Variants in MLLT10 observed in about 807,000 individuals in gnomAD.
The protein encoded by MLLT10 is protein AF-10.
MLLT10 carries 30 observed loss-of-function variants against 129.1 expected under a neutral mutation model. The observed-to-expected ratio is 0.23, with a 90% CI of 0.17 to 0.32. The LOEUF is 0.32. Ranked by LOEUF, MLLT10 falls within the 10% of genes least tolerant of loss-of-function variation. The pLI, the probability that MLLT10 is intolerant of heterozygous loss-of-function variation, is 1.00. For synonymous variants in MLLT10, 490 were observed against 446.4 expected (o/e 1.10, Z -1.23); for missense variants, 1,119 against 1,268.3 (o/e 0.88, Z 1.79).
At chr10:21,570,469 A>G (rs1377996019) in intron 3 of MLLT10, among the ~76,000 whole-genome samples, 2 of 152,118 alleles carry the variant, frequency 1.3e-5, no homozygotes, top group Non-Finnish European at 1.5e-5. Context: ...GTTGTTGGCC[A>G]TGATTTCTAA....
chr10:21,654,097 C>T (rs973580759), intron 9 of MLLT10, among the ~76,000 whole-genome samples: 1 of 152,118 alleles, frequency 6.6e-6, no homozygotes, highest in Non-Finnish European at 1.5e-5. Context: ...AGGACTAGCC[C>T]TTTTAGTCAT....
At chr10:21,723,883 C>G (rs1589828199) in intron 14 of MLLT10, among the ~76,000 whole-genome samples, 1 of 152,140 alleles carries the variant, frequency 6.6e-6, no homozygotes. Context: ...ACAGATGGGA[C>G]TGGTAATATC....
intron 13 of MLLT10, among the ~76,000 whole-genome samples, chr10:21,706,916 C>T (rs1397518480): frequency 6.6e-6 from 1 of 152,116 alleles, no homozygotes; most frequent in Non-Finnish European, 1.5e-5. Context: ...TTTCGTCAGG[C>T]TCTCTTTCTT....
chr10:21,713,712 G>T, intron 13 of MLLT10, 60 bp from the exon 14 acceptor site: 1 of 1,453,244 alleles, frequency 6.9e-7, no homozygotes, highest in East Asian at 2.3e-5. Context: ...TACTGATTAT[G>T]TGTGTCTGTG....
At chr10:21,687,059 C>T (rs751810921) in intron 13 of MLLT10, among the ~76,000 whole-genome samples, 7 of 152,102 alleles carry the variant, frequency 4.6e-5, no homozygotes, top group African/African-American at 9.7e-5. Flanking sequence ...TAATTGAGTT[C>T]CAAGTCCCAC....
chr10:21,573,649 C>T (rs1274464537), intron 3 of MLLT10, among the ~76,000 whole-genome samples: 3 of 151,394 alleles, frequency 2.0e-5, no homozygotes, highest in Non-Finnish European at 2.9e-5. Context: ...TCAGTGTAAC[C>T]TCCACCTCCT....
At chr10:21,547,480 C>G (rs1357084943) in intron 3 of MLLT10, among the ~76,000 whole-genome samples, 4 of 149,700 alleles carry the variant, frequency 2.7e-5, no homozygotes, top group African/African-American at 9.9e-5. Context: ...ATGTGATCCT[C>G]TCACCTTAGC....
At chr10:21,611,044 T>A (rs2044591582) in intron 5 of MLLT10, among the ~76,000 whole-genome samples, 1 of 144,622 alleles carries the variant, frequency 6.9e-6, no homozygotes, top group South Asian at 2.3e-4. Flanking sequence ...TTGCCCAGCC[T>A]GGAGTGCAAT....
chr10:21,608,010 T>C (rs2044231937), intron 5 of MLLT10, among the ~76,000 whole-genome samples: 1 of 143,944 alleles, frequency 6.9e-6, no homozygotes, highest in Non-Finnish European at 1.5e-5. Context: ...TACAGGTGTT[T>C]TTTTTTTTCT....
chr10:21,541,014 G>T (rs2035051961), intron 3 of MLLT10, among the ~76,000 whole-genome samples: 1 of 152,078 alleles, frequency 6.6e-6, no homozygotes, highest in Non-Finnish European at 1.5e-5. Flanking sequence ...ACAAAAATTA[G>T]CTGGGTGTGG....
intron 9 of MLLT10, among the ~76,000 whole-genome samples, chr10:21,667,614 T>C (rs1193410252): frequency 6.6e-6 from 1 of 152,114 alleles, no homozygotes; most frequent in Non-Finnish European, 1.5e-5. Flanking sequence ...GTTTGTGGTT[T>C]TTATGGGACA....
At position 21,718,180 on chromosome 10, in the gene MLLT10, T is replaced by G. The variant is rs192239467; in HGVS notation, c.1878+4230T>G. Among the ~76,000 whole-genome samples, 10 of 152,192 alleles carry G rather than the reference T, an allele frequency of 6.6e-5. No homozygotes were observed. The East Asian group carries it at 1.7e-3, about 26-fold the overall frequency. On this transcript the variant is annotated intron_variant, in intron 14 of 22. Coordinates refer to ENST00000307729, the MANE Select transcript of MLLT10 (RefSeq NM_001195626.3). ...ATTCTTAAGTGTTAAACCCTTTTTT[T>G]TTTCCCCCTTTCAACAGACTAGTTT... is the stretch of plus-strand genomic sequence containing the variant.
chr10:21,538,253 C>T (rs1176912808), intron 2 of MLLT10, among the ~76,000 whole-genome samples: 2 of 151,716 alleles, frequency 1.3e-5, no homozygotes, highest in Non-Finnish European at 2.9e-5. Flanking sequence ...CAACCTCTGC[C>T]TCCCAGGTTC....
chr10:21,713,500 T>C (rs554793042), intron 13 of MLLT10, among the ~76,000 whole-genome samples: 9 of 152,330 alleles, frequency 5.9e-5, no homozygotes, highest in Admixed American at 2.6e-4. Context: ...CTAAAATCCA[T>C]GACATATTTT....
chr10:21,565,289 T>C (rs1157669501), intron 3 of MLLT10, among the ~76,000 whole-genome samples: 1 of 152,102 alleles, frequency 6.6e-6, no homozygotes, highest in Non-Finnish European at 1.5e-5. Context: ...CACAAAATAG[T>C]GTTAGGTTAT....
chr10:21,563,790 TG>T (rs1467564247), intron 3 of MLLT10, among the ~76,000 whole-genome samples: 1 of 141,148 alleles, frequency 7.1e-6, no homozygotes, highest in Non-Finnish European at 1.5e-5. Flanking sequence ...TCTCACTGTG[TG>T]TATTATTATT....
At chr10:21,611,870 C>A (rs2044689779) in intron 5 of MLLT10, among the ~76,000 whole-genome samples, 1 of 152,146 alleles carries the variant, frequency 6.6e-6, no homozygotes, top group Non-Finnish European at 1.5e-5. Context: ...AAATGAATGA[C>A]CTAAACGTTG....
intron 11 of MLLT10, among the ~76,000 whole-genome samples, chr10:21,674,838 G>A (rs1681375288): frequency 6.6e-6 from 1 of 152,060 alleles, no homozygotes; most frequent in Admixed American, 6.6e-5. Context: ...TCTATTAGTT[G>A]GTGGCAAGGG....
intron 3 of MLLT10, among the ~76,000 whole-genome samples, chr10:21,568,104 C>T (rs990469985): frequency 6.6e-6 from 1 of 152,192 alleles, no homozygotes; most frequent in Non-Finnish European, 1.5e-5. Context: ...AGGCATGAGC[C>T]ACCGCACCCG....
Sources: gnomAD v4.1 joint callset for allele counts (sites outside exome capture counted in the v4.1 genomes callset) on GRCh38, gnomAD v4.1.1 for gene constraint, MANE v1.5 for transcripts, NCBI Gene and HGNC (gene_info 2026-07-23, HGNC 2026-07-21) for gene names.